The following PER3 variants were observed in gnomAD, a reference collection of about 807,000 sequenced individuals.
The protein encoded by PER3 is period circadian regulator 3.
In PER3, 107 loss-of-function variants were observed where a neutral mutation model predicts 127.2. The observed-to-expected ratio is 0.84, with a 90% CI of 0.72 to 0.99. The LOEUF (loss-of-function observed/expected upper bound fraction) is 0.99. Ranked by LOEUF, PER3 falls within the 50% of genes least tolerant of loss-of-function variation. The probability of loss-of-function intolerance (pLI) is 0.00; values close to 1 mark genes in which losing one functional copy is unlikely to be tolerated. For synonymous variants in PER3, 618 were observed against 585.8 expected (o/e 1.05, Z -0.79); for missense variants, 1,560 against 1,525.8 (o/e 1.02, Z -0.37).
chr1:7,802,215 GTAC>G (rs1180390276), intron 8 of PER3, among the ~76,000 whole-genome samples: 1 of 152,030 alleles, frequency 6.6e-6, no homozygotes, highest in Non-Finnish European at 1.5e-5. Context: ...CTATTTCTGT[GTAC>G]TAGCTGTCTG....
intron 16 of PER3, among the ~76,000 whole-genome samples, chr1:7,825,819 A>T (rs1327039739): frequency 6.6e-6 from 1 of 151,852 alleles, no homozygotes; most frequent in African/African-American, 2.4e-5. Flanking sequence ...TGAACTCAGG[A>T]AGCAGAGGTT....
chr1:7,793,937 C>T lies in PER3; in HGVS notation c.593-20C>T, dbSNP rs763922771. On this transcript the variant is annotated intron_variant, in intron 5 of 21. Transcript: ENST00000377532. ...GACCTGGATAAGAGGGAGTGACTGA[C>T]CAGGCATCTTTCTTTCTAGCAGCTG... is the stretch of plus-strand genomic sequence containing the variant. 3 of 1,608,278 alleles carry T rather than the reference C, an allele frequency of 1.9e-6. No individual in the cohort carries two copies. The highest frequency in any genetic ancestry group is 2.6e-6 in the Non-Finnish European group (3 of 1,174,680).
intron 21 of PER3, among the ~76,000 whole-genome samples, chr1:7,841,787 G>C (rs190173519): frequency 6.6e-6 from 1 of 152,140 alleles, no homozygotes. Flanking sequence ...GCTGGTTATT[G>C]TAAGTGTCTT....
intron 2 of PER3, 107 bp from the exon 3 acceptor site, chr1:7,785,334 G>A: frequency 2.4e-6 from 2 of 839,390 alleles, no homozygotes; most frequent in Admixed American, 2.2e-5. Flanking sequence ...GTGGACTGAT[G>A]CCGGTAGAGC....
intron 1 of PER3, 32 bp from the exon 2 acceptor site, chr1:7,784,622 T>A (rs945141011): frequency 5.5e-6 from 2 of 365,432 alleles, no homozygotes; most frequent in Non-Finnish European, 9.8e-6. Flanking sequence ...CTGTTCCATT[T>A]GTCCCTTGTC....
At chr1:7,812,106 C>G (rs924791202) in intron 13 of PER3, among the ~76,000 whole-genome samples, 1 of 152,092 alleles carries the variant, frequency 6.6e-6, no homozygotes, top group African/African-American at 2.4e-5. Flanking sequence ...TTGTCTGGTC[C>G]TGCTAGTCCT....
At chr1:7,803,587 CAAAA>C (rs936003618) in intron 9 of PER3, 101 bp from the exon 10 acceptor site, 3 of 747,250 alleles carry the variant, frequency 4.0e-6, no homozygotes, top group Non-Finnish European at 6.4e-6. Context: ...GACTCAATCT[CAAAA>C]AAAACCACTA....
At position 7,803,675 on chromosome 1, in the gene PER3, CTTA is replaced by C. The variant is rs149164395; in HGVS notation, c.980-11_980-9del. 0.044 allele frequency: 65,907 copies of C among 1,496,018 alleles called. 4,552 individuals carry two copies. The highest frequency in any genetic ancestry group is 0.28 in the Admixed American group (15,440 of 55,096). 92.7% of individuals were successfully genotyped at this position (1,496,018 alleles called of 1,614,324 possible). A position where few individuals can be genotyped will look rare whatever the true frequency, so the allele number is the denominator to read the frequency against. ...TGTGTTAAGTAAATCCTATTTTTGTCTTATTATTTTATATAGTTTTGAAGTATG... is the reference window on the plus strand; with the variant it reads ...TGTGTTAAGTAAATCCTATTTTTGTCTTATTTTATATAGTTTTGAAGTATG... On this transcript the variant is annotated splice_polypyrimidine_tract_variant and intron_variant, in intron 9 of 21. Coordinates refer to ENST00000377532, the MANE Select transcript of PER3 (RefSeq NM_001377275.1).
intron 2 of PER3, 80 bp downstream of exon 2, chr1:7,785,085 TTTA>T (rs2097079905): frequency 2.7e-6 from 4 of 1,463,878 alleles, no homozygotes; most frequent in Admixed American, 5.0e-5. Context: ...CCTAAATCTT[TTTA>T]TTCTTTTGTT....
At chr1:7,787,054 T>G in intron 4 of PER3, 1 of 448,472 alleles carries the variant, frequency 2.2e-6, no homozygotes, top group East Asian at 3.7e-5. Flanking sequence ...TGCAGCTCAG[T>G]GACTTTGGTT....
intron 21 of PER3, among the ~76,000 whole-genome samples, chr1:7,840,333 CTAT>C (rs2097379500): frequency 6.8e-6 from 1 of 146,200 alleles, no homozygotes. Context: ...TTTCTTTTTT[CTAT>C]TTTTTTTTTT....
chr1:7,826,492 C>A lies in PER3; in HGVS notation c.1970C>A (p.Thr657Asn). 1 of 1,606,662 alleles carries A rather than the reference C, an allele frequency of 6.2e-7. No individual in the cohort carries two copies. The highest frequency in any genetic ancestry group is 8.5e-7 in the Non-Finnish European group (1 of 1,173,284). ...VPPPETARDA[T>N]LFCEPWTLNM... ...TCTTCCACCTCAGCCAGGGATGCTA[C>A]CCTCTTCTGTGAGCCCTGGACCCTG... Residue 657 changes from threonine (T) to asparagine (N), a missense_variant, in exon 17 of 22, where the codon ACC becomes AAC. Physicochemically the swap from Thr to Asn is moderately conservative, Grantham distance 65. Coordinates refer to ENST00000377532, the MANE Select transcript of PER3 (RefSeq NM_001377275.1). This position sits in a 1 kb window ranked among gnomAD's most constrained non-coding sequence, Gnocchi z 4.2.
chr1:7,834,419 A>T (rs1017935653), intron 19 of PER3, among the ~76,000 whole-genome samples: 4 of 152,184 alleles, frequency 2.6e-5, no homozygotes, highest in African/African-American at 9.7e-5. Flanking sequence ...TTTAAACAGT[A>T]ACAACCTCTT....
chr1:7,788,525 A>G (rs2097102802), intron 5 of PER3: 1 of 316,580 alleles, frequency 3.2e-6, no homozygotes, highest in Non-Finnish European at 5.8e-6. Flanking sequence ...GTTGCTATGA[A>G]GGCTCTGTTT....
At chr1:7,786,187 G>A (rs1315516477) in intron 3 of PER3, among the ~76,000 whole-genome samples, 2 of 152,178 alleles carry the variant, frequency 1.3e-5, no homozygotes, top group Admixed American at 6.5e-5. Flanking sequence ...CCCGGGAGGC[G>A]GAGCTTGCAG....
chr1:7,812,624 CAAAAAAAAAAA>C lies in PER3; in HGVS notation c.1522+2051_1522+2061del, dbSNP rs35962033. 9.2e-4 allele frequency among the ~76,000 whole-genome samples: 79 copies of C among 85,414 alleles called. No homozygotes were observed. In the Middle Eastern group the frequency reaches 0.021, roughly 22 times the overall value. The allele number at this position is 85,414 out of a possible 152,430, so 56.0% of individuals were successfully genotyped here. A position where few individuals can be genotyped will look rare whatever the true frequency, so the allele number is the denominator to read the frequency against. ...TGGGCAACAGAGCAAGACTCCGTCTCAAAAAAAAAAAAAAAAAAAAAAAAATTGAAGCTGCA... is the reference window on the plus strand; with the variant it reads ...TGGGCAACAGAGCAAGACTCCGTCTCAAAAAAAAAAAAAATTGAAGCTGCA... On this transcript the variant is annotated intron_variant, in intron 13 of 21. Coordinates refer to ENST00000377532, the MANE Select transcript of PER3 (RefSeq NM_001377275.1).
chr1:7,810,237 T>C, intron 12 of PER3: 1 of 626,324 alleles, frequency 1.6e-6, no homozygotes, highest in African/African-American at 1.8e-5. Flanking sequence ...TTCTAAAAAT[T>C]AGCATATTGT....
In PER3 at chr1:7,827,637, C is replaced by G. The variant is rs376309319; in HGVS notation, c.2708C>G (p.Pro903Arg). Residue 903 changes from proline (P) to arginine (R), a missense_variant, in exon 18 of 22, where the codon CCT becomes CGT. Pro to Arg is a moderately radical substitution (Grantham distance 103, BLOSUM62 -2). Transcript: ENST00000377532. ...ATGAGTCCAACTCTGGACCCACCCC[C>G]TTCAGTCACCAGCCAAAGGAGAGAG... ...SAMSPTLDPPPSVTSQRREEE... is the reference protein window; with the variant it reads ...SAMSPTLDPPRSVTSQRREEE... 1.2e-6 allele frequency: 2 copies of G among 1,614,244 alleles called. No homozygotes were observed. The highest frequency in any genetic ancestry group is 8.5e-7 in the Non-Finnish European group (1 of 1,180,038).
chr1:7,785,777 TTATCTG>T (rs1444399239), intron 3 of PER3, among the ~76,000 whole-genome samples, 191 bp downstream of exon 3: 2 of 152,216 alleles, frequency 1.3e-5, no homozygotes, highest in African/African-American at 2.4e-5. Flanking sequence ...CAGGAAAACT[TTATCTG>T]TATAATAGTG....
Sources: allele counts gnomAD v4.1 joint callset (sites outside exome capture counted in the v4.1 genomes callset), GRCh38; gene constraint gnomAD v4.1.1; non-coding constraint Gnocchi (gnomAD v3.1); transcripts MANE v1.5; gene names NCBI Gene and HGNC (gene_info 2026-07-23, HGNC 2026-07-21).